TM2D1: variants seen among roughly 807,000 people sequenced by gnomAD.
The protein encoded by TM2D1 is TM2 domain containing 1.
TM2D1 carries 15 observed loss-of-function variants against 28.4 expected under a neutral mutation model. The ratio of observed to expected loss-of-function variants is 0.53; its 90% CI spans 0.35 to 0.81. The LOEUF is 0.81. Among genes scored for constraint, TM2D1 ranks in the 40% least tolerant of loss-of-function variants. The pLI is 0.01. For missense variants in TM2D1, 236 were observed against 254.9 expected, an observed-to-expected ratio of 0.93 and a Z score of 0.50; for synonymous variants, 93 against 96.2, an observed-to-expected ratio of 0.97 and a Z score of 0.20.
intron 3 of TM2D1, among the ~76,000 whole-genome samples, chr1:61,709,121 T>C (rs147054125): frequency 6.6e-6 from 1 of 152,188 alleles, no homozygotes; most frequent in African/African-American, 2.4e-5. Context: ...GCCGTGATCA[T>C]GCCACTGCAC....
chr1:61,720,890 C>T (rs1031229953), intron 2 of TM2D1, among the ~76,000 whole-genome samples: 5 of 152,146 alleles, frequency 3.3e-5, no homozygotes, highest in Non-Finnish European at 7.4e-5. Flanking sequence ...CTCTGTAAAA[C>T]ACTGCTCACG....
At chr1:61,704,103 T>G (rs1341400263) in intron 3 of TM2D1, among the ~76,000 whole-genome samples, 1 of 152,062 alleles carries the variant, frequency 6.6e-6, no homozygotes, top group Non-Finnish European at 1.5e-5. Flanking sequence ...TTGTCCAGGC[T>G]GGTCTCGAAC....
chr1:61,711,813 T>C (rs1291948386), intron 2 of TM2D1, among the ~76,000 whole-genome samples: 1 of 152,184 alleles, frequency 6.6e-6, no homozygotes, highest in African/African-American at 2.4e-5. Context: ...AGTTATATAG[T>C]AGACAACTCA....
intron 5 of TM2D1, among the ~76,000 whole-genome samples, chr1:61,690,134 A>G (rs72672390): frequency 0.18 from 26,845 of 152,122 alleles, 2,983 homozygotes; most frequent in Non-Finnish European, 0.25. Flanking sequence ...CTCCAGAACT[A>G]TAAGAAGTAA....
intron 5 of TM2D1, among the ~76,000 whole-genome samples, chr1:61,684,008 T>C (rs1644266416): frequency 6.6e-6 from 1 of 152,208 alleles, no homozygotes; most frequent in Non-Finnish European, 1.5e-5. Flanking sequence ...GACAAACTAC[T>C]ATATCCATGG....
At chr1:61,689,408 T>C (rs1151759) in intron 5 of TM2D1, among the ~76,000 whole-genome samples, 2 of 151,924 alleles carry the variant, frequency 1.3e-5, no homozygotes, top group Non-Finnish European at 2.9e-5. Flanking sequence ...CTGTTGCTCA[T>C]GCTAGAGTGT....
chr1:61,714,687 T>C (rs918923403), intron 2 of TM2D1, among the ~76,000 whole-genome samples: 3 of 152,142 alleles, frequency 2.0e-5, no homozygotes, highest in Non-Finnish European at 4.4e-5. Context: ...CCCAAGTAGG[T>C]GGTACTATAG....
chr1:61,691,932 A>AAAAAAAATATATATATATATATAT, intron 5 of TM2D1, among the ~76,000 whole-genome samples: 2 of 76,408 alleles, frequency 2.6e-5, no homozygotes, highest in African/African-American at 4.7e-5. Context: ...AAAAAAAAAA[A>AAAAAAAATATATATATATATATAT]ATATATATAT....
intron 3 of TM2D1, among the ~76,000 whole-genome samples, chr1:61,704,485 G>A (rs1443984093): frequency 2.6e-5 from 4 of 151,904 alleles, no homozygotes; most frequent in East Asian, 3.9e-4. Flanking sequence ...AGGCTGGAGC[G>A]CAATGGCACA....
chr1:61,716,581 A>T (rs1557539485), intron 2 of TM2D1, among the ~76,000 whole-genome samples: 2 of 100,464 alleles, frequency 2.0e-5, no homozygotes, highest in Non-Finnish European at 5.4e-5. Flanking sequence ...ATATAATTTT[A>T]TATATATATA....
chr1:61,719,497 TTTTG>T (rs763081497), intron 2 of TM2D1, among the ~76,000 whole-genome samples: 2 of 151,806 alleles, frequency 1.3e-5, no homozygotes, highest in Non-Finnish European at 2.9e-5. Flanking sequence ...GTTTTTTTGT[TTTTG>T]TTTGTTTTGA....
intron 2 of TM2D1, among the ~76,000 whole-genome samples, chr1:61,716,066 A>T (rs980747329): frequency 2.6e-5 from 4 of 151,708 alleles, no homozygotes; most frequent in African/African-American, 9.7e-5. Flanking sequence ...CGGCCTCCCA[A>T]AGTGCTGGGA....
Position 61,716,710 on chromosome 1 carries a change from G to A in TM2D1, c.238+7003C>T, listed in dbSNP as rs149789077. 2.7e-3 allele frequency among the ~76,000 whole-genome samples: 416 copies of A among 151,316 alleles called. 1 individual carries two copies. Among genetic ancestry groups the A allele is most frequent in the African/African-American group, 9.2e-3 (382 of 41,354 alleles). On this transcript the variant is annotated intron_variant, in intron 2 of 6. Coordinates refer to ENST00000606498, the MANE Select transcript of TM2D1 (RefSeq NM_032027.3). ...CATTGTGAGTGGCTATAAAAATAACGTAAGATTTTATGATATGAAATTAAT... is the reference window on the plus strand; with the variant it reads ...CATTGTGAGTGGCTATAAAAATAACATAAGATTTTATGATATGAAATTAAT...
intron 4 of TM2D1, among the ~76,000 whole-genome samples, chr1:61,695,481 G>C (rs1251195297): frequency 6.6e-6 from 1 of 151,568 alleles, no homozygotes; most frequent in African/African-American, 2.4e-5. Context: ...TTGGGGGTGG[G>C]CTGGGGGTGG....
chr1:61,695,751 T>C (rs1307196129), intron 4 of TM2D1, among the ~76,000 whole-genome samples: 1 of 152,194 alleles, frequency 6.6e-6, no homozygotes, highest in African/African-American at 2.4e-5. Flanking sequence ...CCCCCACATA[T>C]AGCAGAATAA....
chr1:61,714,450 A>G (rs1570124074), intron 2 of TM2D1, among the ~76,000 whole-genome samples: 1 of 152,030 alleles, frequency 6.6e-6, no homozygotes, highest in Non-Finnish European at 1.5e-5. Context: ...CTGAGGCAGG[A>G]AAATTGCTTG....
Position 61,721,814 on chromosome 1 carries a change from T to TA in TM2D1, c.238+1898dup, listed in dbSNP as rs543987367. On this transcript the variant is annotated intron_variant, in intron 2 of 6. Transcript: ENST00000606498. ...TTAGTCCATGAGCTTTTGTGTGTTT[T>TA]AAAAAAGGCAATTAGCCAGGCACAG... is the stretch of plus-strand genomic sequence containing the variant. Among the ~76,000 whole-genome samples the TA allele has an allele frequency of 6.0e-4, 91 of 151,900 alleles. 1 individual carries two copies. The East Asian group carries it at 0.01, about 17-fold the overall frequency.
At chr1:61,719,956 A>ATT (rs1226544989) in intron 2 of TM2D1, among the ~76,000 whole-genome samples, 1 of 152,240 alleles carries the variant, frequency 6.6e-6, no homozygotes, top group Non-Finnish European at 1.5e-5. Context: ...AGTAGTGACT[A>ATT]TAAAAGACTA....
intron 2 of TM2D1, among the ~76,000 whole-genome samples, chr1:61,712,530 C>T (rs1644486283): frequency 1.3e-5 from 2 of 152,086 alleles, no homozygotes; most frequent in African/African-American, 2.4e-5. Flanking sequence ...CATGTCTCAG[C>T]CTCTCCAGTA....
Sources: gnomAD v4.1 joint callset for allele counts (sites outside exome capture counted in the v4.1 genomes callset) on GRCh38, gnomAD v4.1.1 for gene constraint, MANE v1.5 for transcripts, NCBI Gene and HGNC (gene_info 2026-07-23, HGNC 2026-07-21) for gene names.